Variants in ASCC1 observed in about 807,000 individuals in gnomAD.
The protein encoded by ASCC1 is activating signal cointegrator 1 complex subunit 1.
Under a neutral mutation model 46.6 loss-of-function variants are expected in ASCC1, and 35 were observed. The observed-to-expected ratio is 0.75, with a 90% CI of 0.57 to 0.99. The LOEUF is 0.99. ASCC1 is among the 50% of genes least tolerant of loss of function. ASCC1 has a pLI of 0.00. For synonymous variants in ASCC1, 143 were observed against 146.6 expected (o/e 0.98, Z 0.18); for missense variants, 376 against 428.7 (o/e 0.88, Z 1.09).
chr10:72,117,144 T>G (rs1843585075), intron 9 of ASCC1, among the ~76,000 whole-genome samples: 1 of 152,228 alleles, frequency 6.6e-6, no homozygotes, highest in Non-Finnish European at 1.5e-5. Context: ...TGGCTTTGAT[T>G]TCTTCGAACA....
At chr10:72,181,698 T>C (rs1268550339) in intron 5 of ASCC1, among the ~76,000 whole-genome samples, 1 of 152,080 alleles carries the variant, frequency 6.6e-6, no homozygotes, top group Non-Finnish European at 1.5e-5. Flanking sequence ...AAGTGATTTT[T>C]TTTTTCTGAG....
chr10:72,127,664 C>CTTTTTT (rs3063665), intron 9 of ASCC1, among the ~76,000 whole-genome samples: 56,149 of 128,818 alleles, frequency 0.44, 13,087 homozygotes, highest in South Asian at 0.48. Context: ...CTAAGGGTTT[C>CTTTTTT]TTTTTTTTTT....
intron 7 of ASCC1, among the ~76,000 whole-genome samples, chr10:72,135,788 G>C (rs931136463): frequency 1.3e-5 from 2 of 152,208 alleles, no homozygotes; most frequent in African/African-American, 2.4e-5. Flanking sequence ...TGAGAAGTGA[G>C]ATTCTCTGGT....
chr10:72,184,859 A>C (rs1853222634), intron 5 of ASCC1, among the ~76,000 whole-genome samples: 1 of 152,110 alleles, frequency 6.6e-6, no homozygotes, highest in African/African-American at 2.4e-5. Context: ...AATATCACGC[A>C]CTTTTTAAAA....
At chr10:72,202,517 C>T (rs1020244967) in intron 4 of ASCC1, among the ~76,000 whole-genome samples, 1 of 151,850 alleles carries the variant, frequency 6.6e-6, no homozygotes, top group South Asian at 2.1e-4. Context: ...ACAGTTTTGT[C>T]CTAACAATGC....
chr10:72,106,240 TATTTATA>T (rs1393493687), intron 9 of ASCC1, among the ~76,000 whole-genome samples: 1 of 151,688 alleles, frequency 6.6e-6, no homozygotes, highest in Admixed American at 6.6e-5. Context: ...AGTCTTACGC[TATTTATA>T]ATCATTCTTG....
chr10:72,204,566 C>A, intron 3 of ASCC1: 4 of 1,536,714 alleles, frequency 2.6e-6, no homozygotes, highest in Non-Finnish European at 3.5e-6. Context: ...CATCACAGGG[C>A]TATCAAGTTA....
intron 5 of ASCC1, among the ~76,000 whole-genome samples, chr10:72,166,598 T>C (rs1304459969): frequency 6.7e-6 from 1 of 150,140 alleles, no homozygotes; most frequent in Non-Finnish European, 1.5e-5. Flanking sequence ...GTGAACTTAA[T>C]CAAAATTTAA....
intron 5 of ASCC1, among the ~76,000 whole-genome samples, chr10:72,172,921 ATATATTATATATTT>A (rs1385250782): frequency 1.5e-5 from 2 of 135,136 alleles, no homozygotes; most frequent in Non-Finnish European, 3.1e-5. Flanking sequence ...TTTTTATATT[ATATATTATATATTT>A]TATATTATAT....
intron 9 of ASCC1, among the ~76,000 whole-genome samples, chr10:72,122,194 G>A (rs1416274899): frequency 6.6e-6 from 1 of 152,186 alleles, no homozygotes; most frequent in African/African-American, 2.4e-5. Context: ...GCCAAGGTGG[G>A]CGGATCACAA....
intron 4 of ASCC1, among the ~76,000 whole-genome samples, chr10:72,201,152 T>TTG (rs138296521): frequency 0.026 from 3,882 of 151,808 alleles, 190 homozygotes; most frequent in African/African-American, 0.09. Flanking sequence ...GATTATTCTT[T>TTG]TGTGTGTGTG....
At chr10:72,103,965 A>G (rs1842074565) in intron 9 of ASCC1, among the ~76,000 whole-genome samples, 1 of 152,182 alleles carries the variant, frequency 6.6e-6, no homozygotes, top group Non-Finnish European at 1.5e-5. Context: ...TTTATTCTGA[A>G]GGCTCCCGTG....
At position 72,114,817 on chromosome 10, in the gene ASCC1, C is replaced by G. The variant is rs546363726; in HGVS notation, c.957+13265G>C. On this transcript the variant is annotated intron_variant, in intron 9 of 9. Transcript: ENST00000672957. ...GGTGAAATAAAAGAAAAACTAAACT[C>G]TAACCTCTAAGACAGGAGTCAGCAA... 3.4e-3 allele frequency among the ~76,000 whole-genome samples: 519 copies of G among 152,064 alleles called. 1 individual carries two copies. Among genetic ancestry groups the G allele is most frequent in the Non-Finnish European group, 6.3e-3 (425 of 67,990 alleles).
chr10:72,207,315 G>T (rs1024829736), intron 3 of ASCC1, among the ~76,000 whole-genome samples: 1 of 152,176 alleles, frequency 6.6e-6, no homozygotes, highest in African/African-American at 2.4e-5. Flanking sequence ...TCGGGAGGCC[G>T]AAGCAGGAGA....
rs961124288 is a variant in ASCC1 at position 72,204,504 on chromosome 10, G to C, written c.213-980C>G. The stretch of plus-strand genomic sequence containing the variant: ...TCGTTTGATGTGTTCAAGTGAATGA[G>C]ACTACCGAATCCCAAGAGAGAAGTT... On this transcript the variant is annotated intron_variant, in intron 3 of 9. Transcript: ENST00000672957. 2 of 1,548,652 alleles carry C rather than the reference G, an allele frequency of 1.3e-6. No individual in the cohort carries two copies. The highest frequency in any genetic ancestry group is 1.7e-6 in the Non-Finnish European group (2 of 1,145,918).
chr10:72,119,923 G>A (rs1194711410), intron 9 of ASCC1, among the ~76,000 whole-genome samples: 1 of 152,200 alleles, frequency 6.6e-6, no homozygotes, highest in Non-Finnish European at 1.5e-5. Flanking sequence ...AAGAATCAAA[G>A]AGAAATACTA....
rs114355798 is a variant in ASCC1, at chr10:72,128,233, T to C, written c.872-66A>G. On this transcript the variant is annotated intron_variant, in intron 8 of 9. Transcript: ENST00000672957. ...TTGGTTGTTTTCTCTTGGATTTCTA[T>C]AGGTACATAGGTACGACTAGCAAAA... is the stretch of plus-strand genomic sequence containing the variant. 1.7e-3 allele frequency: 2,388 copies of C among 1,397,884 alleles called. 24 individuals carry two copies. The African/African-American group carries it at 0.03, about 17-fold the overall frequency. 86.6% of individuals were successfully genotyped at this position (1,397,884 alleles called of 1,614,324 possible).
intron 7 of ASCC1, among the ~76,000 whole-genome samples, chr10:72,139,104 TTTTC>T (rs1438051463): frequency 6.7e-6 from 1 of 149,472 alleles, no homozygotes; most frequent in African/African-American, 2.6e-5. Context: ...TATATTTCTT[TTTTC>T]TTTTTCTTTT....
At position 72,213,217 on chromosome 10, in the gene ASCC1, G is replaced by A. The variant is rs769755132; in HGVS notation, c.82C>T (p.His28Tyr). Residue 28 changes from histidine to tyrosine, a missense_variant, in exon 2 of 10, where the codon CAT becomes TAT. Physicochemically the swap from His to Tyr is moderately conservative, Grantham distance 83. Transcript: ENST00000672957. ...TAGAAGTCCTCTTCATCTTCTTCAT[G>A]TTGATAGGTCTGTTCTTGGACTGGA... ...KNPVQEQTYQ[H>Y]EEDEEDFYQG... 6 of 1,613,630 alleles carry A rather than the reference G, an allele frequency of 3.7e-6. No individual in the cohort carries two copies. Among genetic ancestry groups the A allele is most frequent in the South Asian group, 3.3e-5 (3 of 91,062 alleles).
Sources: gnomAD v4.1 joint callset for allele counts (sites outside exome capture counted in the v4.1 genomes callset) on GRCh38, gnomAD v4.1.1 for gene constraint, MANE v1.5 for transcripts, NCBI Gene and HGNC (gene_info 2026-07-23, HGNC 2026-07-21) for gene names.